PTPRD: variants seen among roughly 807,000 people sequenced by gnomAD.
PTPRD encodes the protein receptor-type tyrosine-protein phosphatase delta.
A neutral mutation model predicts 214.5 loss-of-function variants in PTPRD; 34 were observed. The observed-to-expected ratio is 0.16, with a 90% CI of 0.12 to 0.21. The LOEUF (loss-of-function observed/expected upper bound fraction) is 0.21. Ranked by LOEUF, PTPRD falls within the 10% of genes least tolerant of loss-of-function variation. The pLI is 1.00. For synonymous variants in PTPRD, 1,128 were observed against 845.7 expected (o/e 1.33, Z -5.79); for missense variants, 2,545 against 2,398.7 (o/e 1.06, Z -1.27).
chr9:9,485,377 C>A (rs1421808814), intron 8 of PTPRD, among the ~76,000 whole-genome samples: 1 of 152,116 alleles, frequency 6.6e-6, no homozygotes, highest in Non-Finnish European at 1.5e-5. Context: ...AAATAATATT[C>A]ATAAATGCAG....
intron 4 of PTPRD, among the ~76,000 whole-genome samples, chr9:9,977,008 T>G (rs1205708312): frequency 6.6e-6 from 1 of 152,194 alleles, no homozygotes; most frequent in African/African-American, 2.4e-5. Flanking sequence ...TGCAGATATA[T>G]TTTAACCACA....
At chr9:9,979,027 C>G (rs1267925323) in intron 4 of PTPRD, among the ~76,000 whole-genome samples, 1 of 152,022 alleles carries the variant, frequency 6.6e-6, no homozygotes, top group Non-Finnish European at 1.5e-5. Flanking sequence ...ACCAGTAATT[C>G]TATTCTCAGA....
At chr9:9,486,140 G>A (rs903113323) in intron 8 of PTPRD, among the ~76,000 whole-genome samples, 2 of 92,828 alleles carry the variant, frequency 2.2e-5, no homozygotes, top group Admixed American at 1.9e-4. Flanking sequence ...AACAGAGCAA[G>A]ACTCTCTCTC....
intron 5 of PTPRD, among the ~76,000 whole-genome samples, chr9:9,832,679 A>T (rs1029758203): frequency 3.9e-5 from 6 of 152,000 alleles, no homozygotes; most frequent in African/African-American, 1.4e-4. Context: ...AAGAGTTTTT[A>T]AAATAAATGC....
intron 10 of PTPRD, among the ~76,000 whole-genome samples, chr9:9,118,920 T>C (rs2099814884): frequency 6.6e-6 from 1 of 152,124 alleles, no homozygotes; most frequent in Non-Finnish European, 1.5e-5. Context: ...CACACCACAT[T>C]TTACTCCACA....
At chr9:8,537,682 C>G (rs901325552) in intron 14 of PTPRD, among the ~76,000 whole-genome samples, 13 of 151,966 alleles carry the variant, frequency 8.6e-5, no homozygotes, top group African/African-American at 2.9e-4. Context: ...GCATACCAAC[C>G]AGCTACCCAC....
At chr9:10,434,628 A>G (rs1449384905) in intron 2 of PTPRD, among the ~76,000 whole-genome samples, 1 of 151,950 alleles carries the variant, frequency 6.6e-6, no homozygotes, top group Non-Finnish European at 1.5e-5. Context: ...CAGAGTCACA[A>G]CAAAGCCTAT....
At chr9:9,704,583 A>ACAG (rs1431533324) in intron 7 of PTPRD, among the ~76,000 whole-genome samples, 1 of 152,204 alleles carries the variant, frequency 6.6e-6, no homozygotes, top group Non-Finnish European at 1.5e-5. Context: ...AACAACAACA[A>ACAG]AAATGCAGCC....
In PTPRD at chr9:10,334,515, A is replaced by G. The variant is rs1460577115; in HGVS notation, c.-545+6448T>C. Among the ~76,000 whole-genome samples, 5 of 151,744 alleles carry G rather than the reference A, an allele frequency of 3.3e-5. No individual in the cohort carries two copies. The East Asian group carries it at 9.8e-4, about 30-fold the overall frequency. On this transcript the variant is annotated intron_variant, in intron 3 of 45. Transcript: ENST00000381196. ...TTTCTAAGATCAGGAATAAAGCAAC[A>G]ATATTCCCTCTCAATATTCATTTCA...
intron 10 of PTPRD, among the ~76,000 whole-genome samples, chr9:9,075,663 T>C (rs1438235080): frequency 6.6e-6 from 1 of 152,174 alleles, no homozygotes; most frequent in Non-Finnish European, 1.5e-5. Flanking sequence ...ATGCGGTGTT[T>C]GCTTTTCTGT....
chr9:9,804,086 T>C (rs1300189586), intron 5 of PTPRD, among the ~76,000 whole-genome samples: 1 of 152,122 alleles, frequency 6.6e-6, no homozygotes. Context: ...ACACAAAGAT[T>C]ATCTGATGGC....
intron 14 of PTPRD, among the ~76,000 whole-genome samples, chr9:8,628,874 C>A (rs2096145098): frequency 1.3e-5 from 2 of 151,736 alleles, no homozygotes; most frequent in African/African-American, 4.8e-5. Context: ...GGTAAACTAG[C>A]ATGTTTAGAC....
chr9:9,238,769 T>G (rs1275985361), intron 9 of PTPRD, among the ~76,000 whole-genome samples: 1 of 152,172 alleles, frequency 6.6e-6, no homozygotes, highest in African/African-American at 2.4e-5. Context: ...TCTTATGCTT[T>G]TATCTTCATT....
At chr9:8,976,513 G>A (rs1458522248) in intron 11 of PTPRD, among the ~76,000 whole-genome samples, 1 of 152,060 alleles carries the variant, frequency 6.6e-6, no homozygotes, top group East Asian at 1.9e-4. Context: ...TATAAAGTTT[G>A]TGCTTCCACA....
At chr9:9,723,295 C>A (rs2154434053) in intron 7 of PTPRD, among the ~76,000 whole-genome samples, 1 of 152,176 alleles carries the variant, frequency 6.6e-6, no homozygotes, top group Non-Finnish European at 1.5e-5. Flanking sequence ...ATTGGGTTAT[C>A]TTGGCACCTT....
intron 21 of PTPRD, 145 bp downstream of exon 21, chr9:8,517,703 A>G (rs904631358): frequency 5.9e-6 from 4 of 676,168 alleles, no homozygotes; most frequent in South Asian, 3.9e-5. Flanking sequence ...GTTCCTTTTC[A>G]GATATCTATC....
chr9:9,069,303 C>CA (rs758880524), intron 10 of PTPRD, among the ~76,000 whole-genome samples: 50 of 151,962 alleles, frequency 3.3e-4, no homozygotes, highest in South Asian at 1.0e-3. Context: ...GCAGTAAATA[C>CA]AAAAAAAGTA....
At chr9:8,994,594 C>T (rs899955937) in intron 11 of PTPRD, among the ~76,000 whole-genome samples, 41 of 151,746 alleles carry the variant, frequency 2.7e-4, no homozygotes, top group African/African-American at 9.7e-4. Flanking sequence ...AAGGATTTTG[C>T]CAAGAATGGA....
chr9:8,781,047 T>C (rs750871415), intron 11 of PTPRD, among the ~76,000 whole-genome samples: 3 of 152,202 alleles, frequency 2.0e-5, no homozygotes, highest in Non-Finnish European at 4.4e-5. Flanking sequence ...ACAAGTACAA[T>C]TCAATAGGAG....
Sources: allele counts gnomAD v4.1 joint callset (sites outside exome capture counted in the v4.1 genomes callset), GRCh38; gene constraint gnomAD v4.1.1; transcripts MANE v1.5; gene names NCBI Gene and HGNC (gene_info 2026-07-23, HGNC 2026-07-21).